The following PLCB1 variants were observed in gnomAD, a reference collection of about 807,000 sequenced individuals.
PLCB1 encodes phospholipase C beta 1, also known as 1-phosphatidylinositol 4,5-bisphosphate phosphodiesterase beta-1.
PLCB1 carries 46 observed loss-of-function variants against 161.8 expected under a neutral mutation model. The observed-to-expected ratio is 0.28, with a 90% confidence interval of 0.22 to 0.36. The LOEUF (loss-of-function observed/expected upper bound fraction) is 0.36. Ranked by LOEUF, PLCB1 falls within the 10% of genes least tolerant of loss-of-function variation. The probability of loss-of-function intolerance (pLI) is 1.00; values close to 1 mark genes in which losing one functional copy is unlikely to be tolerated. For missense variants in PLCB1, 1,016 were observed against 1,472.5 expected, an observed-to-expected ratio of 0.69 and a Z score of 5.07; for synonymous variants, 517 against 503.7, an observed-to-expected ratio of 1.03 and a Z score of -0.35.
chr20:8,382,697 T>G (rs1028760019), intron 3 of PLCB1, among the ~76,000 whole-genome samples: 1 of 149,732 alleles, frequency 6.7e-6, no homozygotes, highest in Non-Finnish European at 1.5e-5. Context: ...TACAGGCACC[T>G]GCCACCATGC....
At chr20:8,657,604 G>A (rs766666124) in intron 8 of PLCB1, among the ~76,000 whole-genome samples, 1 of 152,024 alleles carries the variant, frequency 6.6e-6, no homozygotes, top group South Asian at 2.1e-4. Context: ...CATGTCGCAG[G>A]AAGAACTCTG....
At chr20:8,543,094 G>A (rs955887294) in intron 3 of PLCB1, among the ~76,000 whole-genome samples, 1 of 152,130 alleles carries the variant, frequency 6.6e-6, no homozygotes, top group African/African-American at 2.4e-5. Flanking sequence ...TATCGGAAAT[G>A]CAGAATCTCA....
At chr20:8,673,377 C>A (rs796139218) in intron 9 of PLCB1, among the ~76,000 whole-genome samples, 20 of 152,252 alleles carry the variant, frequency 1.3e-4, no homozygotes, top group South Asian at 6.2e-4. Flanking sequence ...TTATTCTAGT[C>A]CCCTTTTCCA....
At chr20:8,231,035 A>G (rs559738265) in intron 2 of PLCB1, among the ~76,000 whole-genome samples, 15 of 152,044 alleles carry the variant, frequency 9.9e-5, no homozygotes, top group Non-Finnish European at 1.3e-4. Flanking sequence ...TCACCTCTCC[A>G]TAATCTTCAA....
At chr20:8,649,518 C>T in intron 7 of PLCB1, 69 bp downstream of exon 7, 1 of 1,078,290 alleles carries the variant, frequency 9.3e-7, no homozygotes, top group Non-Finnish European at 1.4e-6. Flanking sequence ...AACTTAATCC[C>T]CAATATGACA....
chr20:8,475,559 A>C (rs937899918), intron 3 of PLCB1, among the ~76,000 whole-genome samples: 6 of 152,246 alleles, frequency 3.9e-5, no homozygotes, highest in African/African-American at 1.4e-4. Flanking sequence ...AGCTGGTAAC[A>C]TGAAGTTGAA....
chr20:8,322,791 T>C (rs1984976435), intron 2 of PLCB1, among the ~76,000 whole-genome samples: 1 of 152,168 alleles, frequency 6.6e-6, no homozygotes, highest in Non-Finnish European at 1.5e-5. Flanking sequence ...GAAAACTTTC[T>C]CAGAACTCTC....
intron 3 of PLCB1, among the ~76,000 whole-genome samples, chr20:8,417,073 A>ATAT (rs1979327543): frequency 7.5e-5 from 3 of 39,892 alleles, no homozygotes; most frequent in African/African-American, 3.0e-4. Flanking sequence ...ATATATATAT[A>ATAT]TTTTTTTTTT....
chr20:8,669,471 G>A (rs1231483798), intron 9 of PLCB1, among the ~76,000 whole-genome samples: 1 of 152,214 alleles, frequency 6.6e-6, no homozygotes, highest in African/African-American at 2.4e-5. Flanking sequence ...TGAGAGGTAA[G>A]TCTAAAAATG....
intron 3 of PLCB1, among the ~76,000 whole-genome samples, chr20:8,413,579 A>G (rs541834399): frequency 1.3e-5 from 2 of 152,358 alleles, no homozygotes; most frequent in South Asian, 4.1e-4. Flanking sequence ...AGTGGACTCA[A>G]TCACTACTTG....
intron 3 of PLCB1, among the ~76,000 whole-genome samples, chr20:8,606,760 T>C (rs1163989738): frequency 6.6e-6 from 1 of 152,234 alleles, no homozygotes; most frequent in African/African-American, 2.4e-5. Flanking sequence ...AATTTATCCT[T>C]GTTGTGATAG....
At chr20:8,872,882 C>T (rs1330847399) in intron 31 of PLCB1, among the ~76,000 whole-genome samples, 1 of 152,162 alleles carries the variant, frequency 6.6e-6, no homozygotes, top group East Asian at 1.9e-4. Context: ...CTCTTCCAAT[C>T]TCTCCTCGCC....
chr20:8,664,472 A>G lies in PLCB1; in HGVS notation c.862+5768A>G, dbSNP rs566998073. The stretch of plus-strand genomic sequence containing the variant: ...AAAAAAAAACCCTATTGCATTTTCA[A>G]TATAGTTTTATTTAAAGTATTATAC... On this transcript the variant is annotated intron_variant, in intron 9 of 31. Transcript: ENST00000338037. Among the ~76,000 whole-genome samples, 86 of 152,302 alleles carry G rather than the reference A, an allele frequency of 5.6e-4. 1 individual carries two copies. Among genetic ancestry groups the G allele is most frequent in the African/African-American group, 1.9e-3 (81 of 41,586 alleles).
At chr20:8,236,403 C>T (rs2123194464) in intron 2 of PLCB1, among the ~76,000 whole-genome samples, 1 of 152,042 alleles carries the variant, frequency 6.6e-6, no homozygotes, top group South Asian at 2.1e-4. Flanking sequence ...GGTAGTGGTG[C>T]CTGCCTGCAG....
rs537830555 is a variant in PLCB1 at position 8,141,606 on chromosome 20, G to A, written c.100-8688G>A. 1.8e-4 allele frequency among the ~76,000 whole-genome samples: 26 copies of A among 142,822 alleles called. No individual in the cohort carries two copies. The South Asian group carries it at 5.1e-3, about 28-fold the overall frequency. 93.7% of individuals were successfully genotyped at this position (142,822 alleles called of 152,430 possible). ...CGCGCCACTGCATTCCAGCCTGGGC[G>A]ACAGAGCGATACTCCGAAAAAAAAA... On this transcript the variant is annotated intron_variant, in intron 1 of 31. Transcript: ENST00000338037.
At chr20:8,297,118 A>G (rs1213760226) in intron 2 of PLCB1, among the ~76,000 whole-genome samples, 2 of 152,118 alleles carry the variant, frequency 1.3e-5, no homozygotes, top group Non-Finnish European at 2.9e-5. Flanking sequence ...ATGTACATGT[A>G]CACACAATAT....
At chr20:8,137,624 C>T (rs966716329) in intron 1 of PLCB1, among the ~76,000 whole-genome samples, 1 of 152,110 alleles carries the variant, frequency 6.6e-6, no homozygotes, top group Non-Finnish European at 1.5e-5. Flanking sequence ...GTGTAACATG[C>T]GTACAACAAA....
At chr20:8,292,874 A>G (rs917678395) in intron 2 of PLCB1, among the ~76,000 whole-genome samples, 1 of 152,184 alleles carries the variant, frequency 6.6e-6, no homozygotes. Context: ...AACTCCTTGG[A>G]CAATGTCTGG....
chr20:8,463,601 C>G (rs1981685586), intron 3 of PLCB1, among the ~76,000 whole-genome samples: 1 of 152,106 alleles, frequency 6.6e-6, no homozygotes, highest in South Asian at 2.1e-4. Flanking sequence ...TTTCACTGCT[C>G]TATATTTGTC....
Sources: allele counts gnomAD v4.1 joint callset (sites outside exome capture counted in the v4.1 genomes callset), GRCh38; gene constraint gnomAD v4.1.1; transcripts MANE v1.5; gene names NCBI Gene and HGNC (gene_info 2026-07-23, HGNC 2026-07-21).